URI1: variants seen among roughly 807,000 people sequenced by gnomAD.
URI1 encodes the protein URI1 prefoldin like chaperone.
URI1 carries 39 observed loss-of-function variants against 60.2 expected under a neutral mutation model. That is an observed-to-expected ratio of 0.65 (90% CI 0.50 to 0.85). The LOEUF (loss-of-function observed/expected upper bound fraction) is 0.85. URI1 is among the 40% of genes least tolerant of loss of function. The pLI, the probability that URI1 is intolerant of heterozygous loss-of-function variation, is 0.00. For missense variants in URI1, 691 were observed against 665.9 expected (o/e 1.04, Z -0.42); for synonymous variants, 251 against 236.8 (o/e 1.06, Z -0.55).
At chr19:30,000,059 C>T (rs181209136) in intron 4 of URI1, among the ~76,000 whole-genome samples, 61 of 151,898 alleles carry the variant, frequency 4.0e-4, no homozygotes, top group African/African-American at 1.4e-3. Flanking sequence ...CATGTCCTCC[C>T]TGTCTCTGCT....
chr19:30,011,170 A>T lies in URI1; in HGVS notation c.1112A>T (p.Asn371Ile), dbSNP rs1298006709. The T allele has an allele frequency of 1.7e-5, 28 of 1,612,794 alleles. No individual in the cohort carries two copies. The highest frequency in any genetic ancestry group is 2.7e-5 in the African/African-American group (2 of 74,860). Reference protein sequence around the residue: ...KKEEAKRKRKNSTGSGHSAQE... With the variant: ...KKEEAKRKRKISTGSGHSAQE... Reference sequence around the variant, plus strand: ...GAAGAAGCCAAACGTAAACGAAAGAACAGCACTGGCAGTGGCCACTCTGCC... The same window carrying T: ...GAAGAAGCCAAACGTAAACGAAAGATCAGCACTGGCAGTGGCCACTCTGCC... The change falls in exon 9 of 11, where the codon AAC becomes ATC. Residue 371 changes from asparagine (N) to isoleucine (I), a missense_variant. Transcript: ENST00000392271.
intron 4 of URI1, among the ~76,000 whole-genome samples, chr19:30,001,227 G>A (rs1376179665): frequency 6.6e-6 from 1 of 151,808 alleles, no homozygotes; most frequent in Non-Finnish European, 1.5e-5. Context: ...CTTGCGTTGA[G>A]TACTGTCAGG....
intron 4 of URI1, among the ~76,000 whole-genome samples, chr19:29,992,976 T>G (rs1053049340): frequency 3.9e-5 from 6 of 152,248 alleles, no homozygotes; most frequent in Admixed American, 1.3e-4. Flanking sequence ...GTTTTACTTA[T>G]AGGATGATCT....
In URI1 at chr19:30,012,505, C is replaced by T. The variant is rs2056035372; in HGVS notation, c.1399C>T (p.Leu467Phe). The T allele has an allele frequency of 6.2e-7, 1 of 1,613,996 alleles. No homozygotes were observed. The highest frequency in any genetic ancestry group is 1.3e-5 in the African/African-American group (1 of 74,912). The change falls in exon 10 of 11, where the codon CTT (leucine) becomes TTT (phenylalanine). Residue 467 changes from leucine (L) to phenylalanine (F), a missense_variant. Transcript: ENST00000392271. ...EEEPQENQKK[L>F]LPLSVTPEAF... is the part of the protein sequence containing the mutation. ...GGAACCACAAGAAAATCAAAAGAAA[C>T]TTTTGCCCTTATCAGTAACACCTGA...
At chr19:29,940,753 A>AG (rs1411302258), upstream of URI1, among the ~76,000 whole-genome samples, 5 of 152,114 alleles carry the variant, frequency 3.3e-5, no homozygotes, top group Non-Finnish European at 5.9e-5. Flanking sequence ...GCCTGGAGCT[A>AG]GGGGGTGGGT....
chr19:29,982,783 A>T lies in URI1; in HGVS notation c.153-2440A>T, dbSNP rs188810633. On this transcript the variant is annotated intron_variant, in intron 2 of 10. Transcript: ENST00000392271. ...TAATAGTCTTTCTTGAAAGTTTTGG[A>T]ATTGATGTTTTTTGATGCTTCATGA... Among the ~76,000 whole-genome samples the T allele has an allele frequency of 5.3e-5, 8 of 152,198 alleles. No homozygotes were observed. The East Asian group carries it at 1.5e-3, about 29-fold the overall frequency.
chr19:30,012,540 G>A lies in URI1; in HGVS notation c.1425+9G>A. On this transcript the variant is annotated intron_variant, in intron 10 of 10. Coordinates refer to ENST00000392271, the MANE Select transcript of URI1 (RefSeq NM_003796.3). Reference sequence around the variant, plus strand: ...TATCAGTAACACCTGAGGTGTGTGTGTGTATCTTTTAATTCTTTATTTCAT... The same window carrying A: ...TATCAGTAACACCTGAGGTGTGTGTATGTATCTTTTAATTCTTTATTTCAT... 1 of 1,610,736 alleles carries A rather than the reference G, an allele frequency of 6.2e-7. No individual in the cohort carries two copies. The highest frequency in any genetic ancestry group is 8.5e-7 in the Non-Finnish European group (1 of 1,178,488).
At chr19:29,973,664 T>C (rs1599689791) in intron 2 of URI1, among the ~76,000 whole-genome samples, 1 of 151,722 alleles carries the variant, frequency 6.6e-6, no homozygotes, top group African/African-American at 2.4e-5. Flanking sequence ...TATAGAAAAA[T>C]AGGAGTGAAA....
chr19:30,016,377 T>C lies in URI1; in HGVS notation c.*1308T>C, dbSNP rs1391312343. The C allele has an allele frequency of 6.6e-6, 1 of 152,130 alleles. No individual in the cohort carries two copies. The highest frequency in any genetic ancestry group is 1.5e-5 in the Non-Finnish European group (1 of 67,980). The allele number at this position is 152,130 out of a possible 1,614,324, so 9.4% of individuals were successfully genotyped here. A position where few individuals can be genotyped will look rare whatever the true frequency, so the allele number is the denominator to read the frequency against. On this transcript the variant is annotated 3_prime_UTR_variant, in exon 11 of 11. Transcript: ENST00000392271. Reference sequence around the variant, plus strand: ...AGATTTGTTCTTTAGTAAATTTAGATCAACTATGCATATATTTTGTAGGTA... The same window carrying C: ...AGATTTGTTCTTTAGTAAATTTAGACCAACTATGCATATATTTTGTAGGTA...
intron 1 of URI1, among the ~76,000 whole-genome samples, chr19:29,945,885 A>G (rs1267735719): frequency 6.6e-6 from 1 of 151,994 alleles, no homozygotes; most frequent in Non-Finnish European, 1.5e-5. Flanking sequence ...AAAAAAAGCT[A>G]TTGATAAAAC....
At chr19:29,926,631 C>T (rs1258277596) in intron 1 of URI1, among the ~76,000 whole-genome samples, 8 of 152,166 alleles carry the variant, frequency 5.3e-5, no homozygotes, top group African/African-American at 1.9e-4. Context: ...CAGGATTGCT[C>T]ACTTTGTGAA....
chr19:29,989,446 T>TG (rs952854766), intron 4 of URI1, among the ~76,000 whole-genome samples: 53 of 151,686 alleles, frequency 3.5e-4, no homozygotes, highest in Admixed American at 3.9e-4. Flanking sequence ...TTTTTTGAGA[T>TG]GGAGTCTCAC....
intron 2 of URI1, among the ~76,000 whole-genome samples, chr19:29,977,651 T>C (rs2055542095): frequency 6.6e-6 from 1 of 151,550 alleles, no homozygotes; most frequent in African/African-American, 2.4e-5. Context: ...GTTTCTGTAG[T>C]TGTTTATGAA....
At chr19:29,949,934 GA>G (rs2055158546) in intron 1 of URI1, among the ~76,000 whole-genome samples, 1 of 151,360 alleles carries the variant, frequency 6.6e-6, no homozygotes, top group African/African-American at 2.4e-5. Flanking sequence ...GGGGAGACGG[GA>G]GGGGGAGGGG....
intron 1 of URI1, among the ~76,000 whole-genome samples, chr19:29,932,087 T>A (rs1420086814): frequency 6.6e-6 from 1 of 152,138 alleles, no homozygotes; most frequent in Non-Finnish European, 1.5e-5. Context: ...CTCTTAGTAC[T>A]ACGCTAAATA....
chr19:29,947,208 T>C (rs2055113231), intron 1 of URI1, among the ~76,000 whole-genome samples: 1 of 152,210 alleles, frequency 6.6e-6, no homozygotes, highest in Non-Finnish European at 1.5e-5. Context: ...ACGATTGGAA[T>C]GTGTTTTGAG....
intron 4 of URI1, 77 bp from the exon 5 acceptor site, chr19:30,005,284 A>G: frequency 1.3e-6 from 1 of 781,908 alleles, no homozygotes; most frequent in East Asian, 2.7e-5. Flanking sequence ...TTGTAGTGTG[A>G]TAGGACTACA....
At chr19:29,987,861 A>G (rs335061) in intron 4 of URI1, among the ~76,000 whole-genome samples, 3,891 of 152,246 alleles carry the variant, frequency 0.026, 179 homozygotes, top group African/African-American at 0.089. Context: ...TTCAAAGTAC[A>G]TATTTCCTGT....
intron 3 of URI1, 56 bp downstream of exon 3, chr19:29,985,357 T>A: frequency 7.0e-7 from 1 of 1,429,454 alleles, no homozygotes; most frequent in Non-Finnish European, 9.8e-7. Flanking sequence ...ACATATTAAC[T>A]ATGTGTCGGT....
Sources: gnomAD v4.1 joint callset for allele counts (sites outside exome capture counted in the v4.1 genomes callset) on GRCh38, gnomAD v4.1.1 for gene constraint, MANE v1.5 for transcripts, NCBI Gene and HGNC (gene_info 2026-07-23, HGNC 2026-07-21) for gene names.